The following NAALADL2 variants were observed in gnomAD, a reference collection of about 807,000 sequenced individuals.
NAALADL2 encodes inactive N-acetylated-alpha-linked acidic dipeptidase-like protein 2.
In NAALADL2, 76 loss-of-function variants were observed where a neutral mutation model predicts 87.2. The ratio of observed to expected loss-of-function variants is 0.87; its 90% confidence interval spans 0.72 to 1.05. NAALADL2 has a LOEUF of 1.05. Among genes scored for constraint, NAALADL2 ranks in the 50% least tolerant of loss-of-function variants. The pLI is 0.00. For synonymous variants in NAALADL2, 354 were observed against 331.0 expected (o/e 1.07, Z -0.75); for missense variants, 1,089 against 945.8 (o/e 1.15, Z -1.99).
chr3:174,946,759 G>A (rs771669216), intron 1 of NAALADL2, among the ~76,000 whole-genome samples: 9 of 152,102 alleles, frequency 5.9e-5, no homozygotes, highest in Non-Finnish European at 1.2e-4. Context: ...GAAGTAGGAA[G>A]ATCAATTAGG....
intron 2 of NAALADL2, among the ~76,000 whole-genome samples, chr3:174,609,247 C>G (rs1381289347): frequency 1.3e-5 from 2 of 152,118 alleles, no homozygotes; most frequent in African/African-American, 2.4e-5. Flanking sequence ...CCTTTGAAAA[C>G]TGGCACAAGA....
At chr3:174,875,533 A>G (rs966483211) in intron 1 of NAALADL2, among the ~76,000 whole-genome samples, 2 of 152,160 alleles carry the variant, frequency 1.3e-5, no homozygotes, top group African/African-American at 4.8e-5. Context: ...AGTAATCTCA[A>G]CAGCATTAAA....
At chr3:174,877,538 C>T (rs769641316) in intron 1 of NAALADL2, among the ~76,000 whole-genome samples, 3 of 152,030 alleles carry the variant, frequency 2.0e-5, no homozygotes, top group Non-Finnish European at 2.9e-5. Flanking sequence ...TTAAATATAA[C>T]CACTTAGCTC....
chr3:174,947,376 T>C (rs1739602207), intron 1 of NAALADL2, among the ~76,000 whole-genome samples: 1 of 152,178 alleles, frequency 6.6e-6, no homozygotes, highest in South Asian at 2.1e-4. Flanking sequence ...AGCTGAAGAT[T>C]GCTGTTTTAT....
intron 2 of NAALADL2, among the ~76,000 whole-genome samples, chr3:174,661,094 C>T (rs1725460550): frequency 6.6e-6 from 1 of 152,120 alleles, no homozygotes; most frequent in African/African-American, 2.4e-5. Flanking sequence ...GATTCAGCTT[C>T]ATTAAGGTCT....
At chr3:175,441,155 A>G (rs1225126515) in intron 5 of NAALADL2, among the ~76,000 whole-genome samples, 1 of 152,136 alleles carries the variant, frequency 6.6e-6, no homozygotes, top group African/African-American at 2.4e-5. Flanking sequence ...TTTCACATCC[A>G]TGGATTCAAC....
At chr3:174,623,366 C>T (rs2108674078) in intron 2 of NAALADL2, among the ~76,000 whole-genome samples, 1 of 151,390 alleles carries the variant, frequency 6.6e-6, no homozygotes, top group South Asian at 2.1e-4. Flanking sequence ...ATTTCTCTGA[C>T]TGCCAATGGC....
intron 2 of NAALADL2, among the ~76,000 whole-genome samples, chr3:175,210,441 T>TAC (rs1741598880): frequency 6.6e-6 from 1 of 151,794 alleles, no homozygotes; most frequent in Non-Finnish European, 1.5e-5. Flanking sequence ...AATTTCTACA[T>TAC]AGGTTTGTGT....
At chr3:174,586,606 C>T (rs1385185772) in intron 2 of NAALADL2, among the ~76,000 whole-genome samples, 1 of 152,148 alleles carries the variant, frequency 6.6e-6, no homozygotes, top group Non-Finnish European at 1.5e-5. Flanking sequence ...AACATCCTCC[C>T]GCATCAGCCT....
At position 175,576,041 on chromosome 3, in the gene NAALADL2, A is replaced by C; in HGVS notation, c.1654A>C (p.Lys552Gln). 1 of 1,609,826 alleles carries C rather than the reference A, an allele frequency of 6.2e-7. No homozygotes were observed. Among genetic ancestry groups the C allele is most frequent in the South Asian group, 1.1e-5 (1 of 90,430 alleles). ...TAACAATTTAAATTATGTTTTTCAGAAAAATAATTTCAACTGTACCAGAAG... is the reference window on the plus strand; with the variant it reads ...TAACAATTTAAATTATGTTTTTCAGCAAAATAATTTCAACTGTACCAGAAG... ...SPSLQQLVVE[K>Q]NNFNCTRRAQ... Residue 552 changes from lysine to glutamine, a missense_variant and splice_region_variant, in exon 10 of 14, where the codon AAA becomes CAA. Lys to Gln is a moderately conservative substitution (Grantham distance 53, BLOSUM62 1). Transcript: ENST00000454872.
intron 3 of NAALADL2, among the ~76,000 whole-genome samples, chr3:174,845,291 G>A (rs909157259): frequency 6.6e-6 from 1 of 152,172 alleles, no homozygotes; most frequent in African/African-American, 2.4e-5. Flanking sequence ...CTATGTTCAG[G>A]TGGGCCACCT....
At chr3:175,509,849 T>A (rs1730892293) in intron 9 of NAALADL2, among the ~76,000 whole-genome samples, 1 of 128,124 alleles carries the variant, frequency 7.8e-6, no homozygotes, top group Non-Finnish European at 1.6e-5. Flanking sequence ...TTTTTTCTTA[T>A]TTTATTTTAT....
At chr3:175,046,039 A>G (rs1475587141) in intron 1 of NAALADL2, among the ~76,000 whole-genome samples, 2 of 151,744 alleles carry the variant, frequency 1.3e-5, no homozygotes, top group Non-Finnish European at 1.5e-5. Flanking sequence ...TGGAAATAAT[A>G]TTTTTTAGTT....
intron 4 of NAALADL2, 137 bp from the exon 5 acceptor site, chr3:175,324,038 A>AAAAAAAG (rs1760344530): frequency 1.6e-6 from 1 of 612,142 alleles, no homozygotes; most frequent in Non-Finnish European, 2.7e-6. Context: ...CAAAAAAAAA[A>AAAAAAAG]AAAAAGAAAA....
intron 3 of NAALADL2, among the ~76,000 whole-genome samples, chr3:174,752,978 C>G: frequency 6.6e-6 from 1 of 152,184 alleles, no homozygotes; most frequent in East Asian, 1.9e-4. Flanking sequence ...GTAACTTTTT[C>G]TATACATATA....
At chr3:174,634,020 G>A (rs1005683003) in intron 2 of NAALADL2, among the ~76,000 whole-genome samples, 1 of 152,084 alleles carries the variant, frequency 6.6e-6, no homozygotes, top group Non-Finnish European at 1.5e-5. Flanking sequence ...TTATTGAATT[G>A]CTCAGATGAT....
At chr3:175,443,026 T>C (rs1720080969) in intron 5 of NAALADL2, among the ~76,000 whole-genome samples, 2 of 152,226 alleles carry the variant, frequency 1.3e-5, no homozygotes, top group Non-Finnish European at 2.9e-5. Flanking sequence ...AACCTCTTAA[T>C]AATGTAAGAA....
At chr3:175,194,070 C>A (rs1738623472) in intron 2 of NAALADL2, among the ~76,000 whole-genome samples, 1 of 151,696 alleles carries the variant, frequency 6.6e-6, no homozygotes, top group African/African-American at 2.4e-5. Flanking sequence ...AACTGAAGTG[C>A]AGAATGTCAT....
chr3:174,785,938 T>G (rs557302924), intron 3 of NAALADL2, among the ~76,000 whole-genome samples: 1 of 152,278 alleles, frequency 6.6e-6, no homozygotes, highest in East Asian at 1.9e-4. Flanking sequence ...TCTCAGTTGA[T>G]ATTGATTCCT....
Sources: allele counts gnomAD v4.1 joint callset (sites outside exome capture counted in the v4.1 genomes callset), GRCh38; gene constraint gnomAD v4.1.1; transcripts MANE v1.5; gene names NCBI Gene and HGNC (gene_info 2026-07-23, HGNC 2026-07-21).